Variants in CAAP1 observed in about 807,000 individuals in gnomAD.
CAAP1 encodes conserved anti-apoptotic protein.
In CAAP1, 20 loss-of-function variants were observed where a neutral mutation model predicts 34.0. That is an observed-to-expected ratio of 0.59 (90% CI 0.41 to 0.86). The LOEUF (loss-of-function observed/expected upper bound fraction) is 0.86. Among genes scored for constraint, CAAP1 ranks in the 40% least tolerant of loss-of-function variants. CAAP1 has a pLI of 0.00. For synonymous variants in CAAP1, 213 were observed against 166.7 expected (o/e 1.28, Z -2.14); for missense variants, 538 against 450.5 (o/e 1.19, Z -1.76).
intron 5 of CAAP1, among the ~76,000 whole-genome samples, chr9:26,858,598 A>G (rs1822930117): frequency 6.6e-6 from 1 of 152,104 alleles, no homozygotes; most frequent in Admixed American, 6.5e-5. Flanking sequence ...TAAGGCAGGC[A>G]GATCACGAGG....
intron 5 of CAAP1, among the ~76,000 whole-genome samples, chr9:26,855,033 C>T (rs1010120120): frequency 6.6e-6 from 1 of 152,168 alleles, no homozygotes; most frequent in Admixed American, 6.5e-5. Context: ...AAAGTTATGT[C>T]CACACAAAAA....
Position 26,867,801 on chromosome 9 carries a change from TTTA to T in CAAP1, c.666-6665_666-6663del, listed in dbSNP as rs540038266. ...TGCAAAATATTTTAATATTAACTAT[TTTA>T]TTATTAATTTCCTTTCTAATTCTGT... is the stretch of plus-strand genomic sequence containing the variant. On this transcript the variant is annotated intron_variant, in intron 4 of 5. Transcript: ENST00000333916. Among the ~76,000 whole-genome samples the T allele has an allele frequency of 1.1e-3, 166 of 152,220 alleles. No homozygotes were observed. In the Middle Eastern group the frequency reaches 0.014, roughly 12 times the overall value.
intron 4 of CAAP1, among the ~76,000 whole-genome samples, chr9:26,873,974 G>A (rs931868287): frequency 8.6e-5 from 13 of 151,936 alleles, no homozygotes; most frequent in South Asian, 6.2e-4. Context: ...TTGGGAGGCC[G>A]AGGCGGGCAG....
chr9:26,885,307 C>A (rs1823710209), intron 3 of CAAP1, among the ~76,000 whole-genome samples: 1 of 151,794 alleles, frequency 6.6e-6, no homozygotes, highest in Non-Finnish European at 1.5e-5. Flanking sequence ...GAACTCCTGA[C>A]CTTGTGATCC....
At chr9:26,871,998 G>A (rs944274031) in intron 4 of CAAP1, among the ~76,000 whole-genome samples, 7 of 152,258 alleles carry the variant, frequency 4.6e-5, no homozygotes, top group Admixed American at 6.5e-5. Flanking sequence ...GGCTTTGTAA[G>A]TGGATGGGCT....
Position 26,892,401 on chromosome 9 carries a change from G to T in CAAP1, c.303+12C>A. Reference sequence around the variant, plus strand: ...GCAGCTCCAGGAAGCGGCCAGAGGGGCGCGCACGCACCTGCTGCAAGGAGC... The same window carrying T: ...GCAGCTCCAGGAAGCGGCCAGAGGGTCGCGCACGCACCTGCTGCAAGGAGC... On this transcript the variant is annotated intron_variant, in intron 1 of 5. Transcript: ENST00000333916. 2 of 1,604,432 alleles carry T rather than the reference G, an allele frequency of 1.2e-6. No homozygotes were observed. Among genetic ancestry groups the T allele is most frequent in the Non-Finnish European group, 8.5e-7 (1 of 1,178,660 alleles).
At chr9:26,866,717 T>C (rs918214566) in intron 4 of CAAP1, among the ~76,000 whole-genome samples, 2 of 152,132 alleles carry the variant, frequency 1.3e-5, no homozygotes, top group Non-Finnish European at 2.9e-5. Flanking sequence ...TTCAGGAGAT[T>C]TGTGAATTTG....
intron 5 of CAAP1, among the ~76,000 whole-genome samples, chr9:26,851,071 C>A (rs1822738984): frequency 6.6e-6 from 1 of 152,182 alleles, no homozygotes; most frequent in Non-Finnish European, 1.5e-5. Flanking sequence ...ATCTTTTACA[C>A]ATGTCATGAT....
intron 5 of CAAP1, 76 bp downstream of exon 5, chr9:26,860,990 C>A: frequency 9.2e-7 from 1 of 1,085,126 alleles, no homozygotes; most frequent in Admixed American, 1.8e-5. Context: ...GAGTTAGACA[C>A]TGAAAATTTA....
chr9:26,866,783 GA>G (rs1823148938), intron 4 of CAAP1, among the ~76,000 whole-genome samples: 1 of 152,102 alleles, frequency 6.6e-6, no homozygotes, highest in Non-Finnish European at 1.5e-5. Context: ...CTTGGTGACT[GA>G]AAAACAATAA....
At chr9:26,844,310 T>C (rs199964668) in intron 5 of CAAP1, among the ~76,000 whole-genome samples, 2 of 152,090 alleles carry the variant, frequency 1.3e-5, no homozygotes, top group East Asian at 1.9e-4. Flanking sequence ...TGAGCCAAGA[T>C]CGTGCCATTG....
At chr9:26,884,077 C>T (rs879381304) in intron 4 of CAAP1, among the ~76,000 whole-genome samples, 4 of 152,080 alleles carry the variant, frequency 2.6e-5, no homozygotes, top group Admixed American at 6.6e-5. Flanking sequence ...TTCTTTTATA[C>T]TTTATCTTTT....
chr9:26,862,838 A>G (rs1823034727), intron 4 of CAAP1, among the ~76,000 whole-genome samples: 1 of 152,186 alleles, frequency 6.6e-6, no homozygotes, highest in Non-Finnish European at 1.5e-5. Flanking sequence ...GTTACATAAT[A>G]GAGTATCTCT....
At chr9:26,848,912 T>C (rs1822679108) in intron 5 of CAAP1, among the ~76,000 whole-genome samples, 1 of 152,236 alleles carries the variant, frequency 6.6e-6, no homozygotes, top group African/African-American at 2.4e-5. Flanking sequence ...TAAATTTTTT[T>C]TGTTTTGTTC....
chr9:26,846,184 C>T (rs553287858), intron 5 of CAAP1, among the ~76,000 whole-genome samples: 18 of 152,078 alleles, frequency 1.2e-4, no homozygotes, highest in African/African-American at 4.3e-4. Flanking sequence ...TTTGAGAGGC[C>T]AAGGCAGGTG....
intron 5 of CAAP1, among the ~76,000 whole-genome samples, chr9:26,846,099 TC>T (rs1267973081): frequency 6.6e-6 from 1 of 150,940 alleles, no homozygotes; most frequent in African/African-American, 2.5e-5. Context: ...AGCCAATTCT[TC>T]CTTCTTTCCA....
intron 5 of CAAP1, among the ~76,000 whole-genome samples, chr9:26,852,517 G>T (rs893683176): frequency 2.0e-5 from 3 of 152,002 alleles, no homozygotes; most frequent in Admixed American, 1.3e-4. Context: ...AAGTAGGTTA[G>T]GGAAGGGAAG....
At chr9:26,892,148 T>G in intron 1 of CAAP1, 3 of 850,924 alleles carry the variant, frequency 3.5e-6, no homozygotes, top group East Asian at 3.1e-5. Context: ...AGTGAAACCA[T>G]AGGAGTGGAA....
At chr9:26,849,498 T>G (rs73431838) in intron 5 of CAAP1, among the ~76,000 whole-genome samples, 2,362 of 152,312 alleles carry the variant, frequency 0.016, 33 homozygotes, top group African/African-American at 0.031. Context: ...ATCTAAGTTT[T>G]TACTTGCTAT....
Sources: allele counts gnomAD v4.1 joint callset (sites outside exome capture counted in the v4.1 genomes callset), GRCh38; gene constraint gnomAD v4.1.1; transcripts MANE v1.5; gene names NCBI Gene and HGNC (gene_info 2026-07-23, HGNC 2026-07-21).